The following PLXDC2 variants were observed in gnomAD, a reference collection of about 807,000 sequenced individuals.
The protein encoded by PLXDC2 is plexin domain-containing protein 2.
A neutral mutation model predicts 68.9 loss-of-function variants in PLXDC2; 40 were observed. The ratio of observed to expected loss-of-function variants is 0.58; its 90% CI spans 0.45 to 0.76. The LOEUF (loss-of-function observed/expected upper bound fraction) is 0.76. Among genes scored for constraint, PLXDC2 ranks in the 30% least tolerant of loss-of-function variants. The pLI is 0.00. For missense variants in PLXDC2, 644 were observed against 661.9 expected (o/e 0.97, Z 0.30); for synonymous variants, 243 against 234.2 (o/e 1.04, Z -0.34).
intron 1 of PLXDC2, among the ~76,000 whole-genome samples, chr10:19,817,962 G>T (rs1323956086): frequency 6.6e-6 from 1 of 152,190 alleles, no homozygotes; most frequent in African/African-American, 2.4e-5. Flanking sequence ...GCGGGGAGTT[G>T]CGCCCCGGGG....
intron 12 of PLXDC2, among the ~76,000 whole-genome samples, chr10:20,238,662 A>AATATATATAT (rs1554777528): frequency 3.5e-4 from 11 of 31,746 alleles, no homozygotes; most frequent in Non-Finnish European, 7.6e-4. Context: ...TCTCAAAAAA[A>AATATATATAT]ATATATATAT....
Position 20,217,591 on chromosome 10 carries a change from GTTTGCT to G in PLXDC2, c.1273+19_1273+24del. The G allele has an allele frequency of 2.5e-6, 1 of 398,058 alleles. No individual in the cohort carries two copies. Among genetic ancestry groups the G allele is most frequent in the South Asian group, 3.2e-5 (1 of 31,086 alleles). The allele number at this position is 398,058 out of a possible 1,614,324, so 24.7% of individuals were successfully genotyped here. On this transcript the variant is annotated intron_variant, in intron 11 of 13. Transcript: ENST00000377252. ...CCCTACAGAAGGTACCCAAGAGATA[GTTTGCT>G]TTTTTTTTTTTTTTTTTTTTTTTTT...
chr10:20,170,854 TTTAA>T (rs1260416823), intron 7 of PLXDC2, among the ~76,000 whole-genome samples: 1 of 151,768 alleles, frequency 6.6e-6, no homozygotes, highest in African/African-American at 2.4e-5. Flanking sequence ...AATTAATTTA[TTTAA>T]TTAATATTTA....
At chr10:19,993,872 G>C (rs1316694915) in intron 1 of PLXDC2, among the ~76,000 whole-genome samples, 1 of 152,200 alleles carries the variant, frequency 6.6e-6, no homozygotes, top group East Asian at 1.9e-4. Flanking sequence ...GCAGAGAAGG[G>C]TAAGGACAGA....
chr10:20,029,399 G>T (rs977637487), intron 2 of PLXDC2, among the ~76,000 whole-genome samples: 12 of 150,710 alleles, frequency 8.0e-5, no homozygotes, highest in Non-Finnish European at 1.5e-4. Flanking sequence ...ACATGTAAAA[G>T]AAATGCTTGT....
At chr10:19,921,155 G>A (rs1833456594) in intron 1 of PLXDC2, among the ~76,000 whole-genome samples, 1 of 143,356 alleles carries the variant, frequency 7.0e-6, no homozygotes, top group Non-Finnish European at 1.5e-5. Flanking sequence ...TCAAACTTCT[G>A]ACATCAAGTG....
intron 1 of PLXDC2, among the ~76,000 whole-genome samples, chr10:19,893,382 G>A (rs917474444): frequency 3.9e-5 from 6 of 152,140 alleles, no homozygotes; most frequent in South Asian, 2.1e-4. Flanking sequence ...ATAGCTGACC[G>A]CTTATAATAA....
intron 1 of PLXDC2, among the ~76,000 whole-genome samples, chr10:19,894,566 G>A (rs541280485): frequency 6.6e-6 from 1 of 152,102 alleles, no homozygotes; most frequent in South Asian, 2.1e-4. Context: ...ATAAACAGTG[G>A]ATACCCAAAT....
At position 19,937,018 on chromosome 10, in the gene PLXDC2, T is replaced by C. The variant is rs542579012; in HGVS notation, c.113-64757T>C. 3.3e-5 allele frequency among the ~76,000 whole-genome samples: 5 copies of C among 152,332 alleles called. No homozygotes were observed. The East Asian group carries it at 7.7e-4, about 24-fold the overall frequency. On this transcript the variant is annotated intron_variant, in intron 1 of 13. Transcript: ENST00000377252. ...TCAATTTAGATGTTTGATGTTCCTA[T>C]TGACTTTGTAAATGTCTCTTGCATG...
chr10:19,985,181 A>G (rs1415593220), intron 1 of PLXDC2, among the ~76,000 whole-genome samples: 1 of 152,222 alleles, frequency 6.6e-6, no homozygotes, highest in African/African-American at 2.4e-5. Context: ...CTGGTAAGAT[A>G]TGGACCTCAG....
intron 10 of PLXDC2, among the ~76,000 whole-genome samples, chr10:20,215,131 A>G (rs1588522054): frequency 6.6e-6 from 1 of 152,322 alleles, no homozygotes; most frequent in East Asian, 1.9e-4. Flanking sequence ...ATTGACATAA[A>G]TAAAAGGAAA....
chr10:19,882,941 T>TCA (rs1564618197), intron 1 of PLXDC2, among the ~76,000 whole-genome samples: 6 of 140,562 alleles, frequency 4.3e-5, no homozygotes, highest in African/African-American at 1.7e-4. Flanking sequence ...TAAAATTTTT[T>TCA]TTTTTTTTTT....
intron 1 of PLXDC2, among the ~76,000 whole-genome samples, chr10:19,987,289 G>A (rs1407047382): frequency 6.6e-6 from 1 of 152,104 alleles, no homozygotes. Context: ...ATTATTATGT[G>A]ACTTTGCCAC....
At chr10:19,977,382 C>T (rs75409942) in intron 1 of PLXDC2, among the ~76,000 whole-genome samples, 170 of 152,310 alleles carry the variant, frequency 1.1e-3, no homozygotes, top group African/African-American at 3.9e-3. Context: ...GAACATTGCC[C>T]TGGAGAACAA....
At chr10:20,277,532 A>G (rs1402362361) in intron 13 of PLXDC2, among the ~76,000 whole-genome samples, 2 of 152,188 alleles carry the variant, frequency 1.3e-5, no homozygotes, top group Non-Finnish European at 1.5e-5. Context: ...ACAAAGGCCC[A>G]GAGAAATCAA....
intron 4 of PLXDC2, among the ~76,000 whole-genome samples, chr10:20,135,450 C>T (rs1564328433): frequency 6.6e-6 from 1 of 152,126 alleles, no homozygotes; most frequent in Non-Finnish European, 1.5e-5. Context: ...TAACTAAGAA[C>T]ATGTTACATG....
At chr10:20,068,944 A>G (rs7076902) in intron 4 of PLXDC2, among the ~76,000 whole-genome samples, 34,461 of 152,062 alleles carry the variant, frequency 0.23, 5,377 homozygotes, top group East Asian at 0.6. Flanking sequence ...ATGCCAGGGA[A>G]TATCCCTGTA....
intron 12 of PLXDC2, 65 bp from the exon 13 acceptor site, chr10:20,245,280 T>G: frequency 6.6e-7 from 1 of 1,509,008 alleles, no homozygotes; most frequent in Non-Finnish European, 8.9e-7. Flanking sequence ...AAATATCTCC[T>G]CAGATGAAAA....
At chr10:19,966,027 A>G (rs953984900) in intron 1 of PLXDC2, among the ~76,000 whole-genome samples, 7 of 152,012 alleles carry the variant, frequency 4.6e-5, no homozygotes, top group African/African-American at 9.7e-5. Context: ...AAGTGCTATT[A>G]TAATCACATT....
Sources: gnomAD v4.1 joint callset for allele counts (sites outside exome capture counted in the v4.1 genomes callset) on GRCh38, gnomAD v4.1.1 for gene constraint, MANE v1.5 for transcripts, NCBI Gene and HGNC (gene_info 2026-07-23, HGNC 2026-07-21) for gene names.